RDH10: variants seen among roughly 807,000 people sequenced by gnomAD.
The protein encoded by RDH10 is retinol dehydrogenase 10 (all-trans).
RDH10 carries 12 observed loss-of-function variants against 30.2 expected under a neutral mutation model. That is an observed-to-expected ratio of 0.40 (90% confidence interval 0.25 to 0.64). The LOEUF (loss-of-function observed/expected upper bound fraction) is 0.64. Among genes scored for constraint, RDH10 ranks in the 30% least tolerant of loss-of-function variants. RDH10 has a pLI of 0.43. For synonymous variants in RDH10, 189 were observed against 172.2 expected, an observed-to-expected ratio of 1.10 and a Z score of -0.76; for missense variants, 268 against 445.2, an observed-to-expected ratio of 0.60 and a Z score of 3.58.
chr8:73,299,608 G>A (rs767382304), intron 2 of RDH10, among the ~76,000 whole-genome samples: 1 of 152,272 alleles, frequency 6.6e-6, no homozygotes, highest in East Asian at 1.9e-4. Context: ...GTTTTCTCCC[G>A]TAACCTTTGA....
rs1196284263 is a variant in RDH10 at position 73,323,080 on chromosome 8, A to G, written c.*44A>G. 2 of 1,505,412 alleles carry G rather than the reference A, an allele frequency of 1.3e-6. No individual in the cohort carries two copies. Among genetic ancestry groups the G allele is most frequent in the East Asian group, 2.3e-5 (1 of 44,158 alleles). 93.3% of individuals were successfully genotyped at this position (1,505,412 alleles called of 1,614,324 possible). A position where few individuals can be genotyped will look rare whatever the true frequency, so the allele number is the denominator to read the frequency against. ...TATTACTTCTATCAGAAGATGATCA[A>G]GATGTTTCAGTCCAGTGCACATCAG... On this transcript the variant is annotated 3_prime_UTR_variant, in exon 6 of 6. Transcript: ENST00000240285.
At chr8:73,312,914 C>T (rs16938610) in intron 2 of RDH10, 31,410 of 152,178 alleles carry the variant, frequency 0.21, 4,045 homozygotes, top group South Asian at 0.4. Context: ...TTCTTGATCA[C>T]AGGACAGTCG....
chr8:73,308,888 T>A (rs1436235806), intron 2 of RDH10, among the ~76,000 whole-genome samples: 1 of 152,206 alleles, frequency 6.6e-6, no homozygotes, highest in Non-Finnish European at 1.5e-5. Context: ...GTAGACAGAT[T>A]GCTCAGGCTC....
Position 73,321,047 on chromosome 8 carries a change from A to G in RDH10, c.740A>G (p.Asp247Gly). 1 of 1,614,086 alleles carries G rather than the reference A, an allele frequency of 6.2e-7. No individual in the cohort carries two copies. The highest frequency in any genetic ancestry group is 8.5e-7 in the Non-Finnish European group (1 of 1,179,942). ...KTTLVCPYLV[D>G]TGMFRGCRIR... ...ACCTTGGTTTGCCCTTATCTTGTAGACACTGGCATGTTCAGAGGCTGCCGA... is the reference window on the plus strand; with the variant it reads ...ACCTTGGTTTGCCCTTATCTTGTAGGCACTGGCATGTTCAGAGGCTGCCGA... The change falls in exon 4 of 6, where the codon GAC becomes GGC. Residue 247 changes from aspartate (D) to glycine (G), a missense_variant. Asp to Gly is a moderately conservative substitution (Grantham distance 94). This residue lies in a region of RDH10 where 136 missense variants were observed against 288.8 expected (regional missense o/e 0.47). Coordinates refer to ENST00000240285, the MANE Select transcript of RDH10 (RefSeq NM_172037.5).
At chr8:73,314,675 G>C (rs1186541496) in intron 2 of RDH10, among the ~76,000 whole-genome samples, 1 of 152,200 alleles carries the variant, frequency 6.6e-6, no homozygotes, top group Non-Finnish European at 1.5e-5. Flanking sequence ...GGGATCTCAG[G>C]CTGATTAGCG....
chr8:73,299,025 G>T (rs941797738), intron 2 of RDH10, among the ~76,000 whole-genome samples: 2 of 151,982 alleles, frequency 1.3e-5, no homozygotes, highest in African/African-American at 4.8e-5. Flanking sequence ...TGTTGATCAG[G>T]CTGGTCTCGA....
intron 2 of RDH10, among the ~76,000 whole-genome samples, chr8:73,310,101 C>G (rs1366056469): frequency 3.9e-5 from 6 of 152,196 alleles, no homozygotes; most frequent in East Asian, 3.9e-4. Context: ...GAAAAGCTTC[C>G]CAGGTGATTC....
rs1239134839 is a variant in RDH10, at chr8:73,323,726, A to G, written c.*690A>G. On this transcript the variant is annotated 3_prime_UTR_variant, in exon 6 of 6. Coordinates refer to ENST00000240285, the MANE Select transcript of RDH10 (RefSeq NM_172037.5). ...GAGTGCAGTAGCACAATCACGGCTC[A>G]CTGCAATCTCTGCCTCCCAGTTTCA... 1.4e-5 allele frequency: 2 copies of G among 147,446 alleles called. No homozygotes were observed. The highest frequency in any genetic ancestry group is 2.5e-5 in the African/African-American group (1 of 39,458). 9.1% of individuals were successfully genotyped at this position (147,446 alleles called of 1,614,324 possible).
chr8:73,316,120 G>C (rs929822888), intron 2 of RDH10, among the ~76,000 whole-genome samples: 2 of 152,104 alleles, frequency 1.3e-5, no homozygotes, highest in African/African-American at 2.4e-5. Flanking sequence ...GGGCTCAAGC[G>C]ATCTGTCTAC....
chr8:73,303,520 G>C (rs1563547863), intron 2 of RDH10, among the ~76,000 whole-genome samples: 1 of 152,096 alleles, frequency 6.6e-6, no homozygotes, highest in South Asian at 2.1e-4. Flanking sequence ...TGGAATTCAT[G>C]GCCTATTTTT....
chr8:73,319,284 C>A, intron 3 of RDH10, 90 bp downstream of exon 3: 1 of 870,886 alleles, frequency 1.1e-6, no homozygotes. Context: ...TGCTGCCCCT[C>A]CATTCATGAA....
At chr8:73,319,839 T>C (rs1160382134) in intron 3 of RDH10, among the ~76,000 whole-genome samples, 1 of 152,226 alleles carries the variant, frequency 6.6e-6, no homozygotes, top group Non-Finnish European at 1.5e-5. Flanking sequence ...GTTTGTAGAA[T>C]TGTAGAACTG....
chr8:73,306,221 C>G (rs1814461229), intron 2 of RDH10, among the ~76,000 whole-genome samples: 1 of 152,222 alleles, frequency 6.6e-6, no homozygotes, highest in South Asian at 2.1e-4. Context: ...ACCTGGCTGG[C>G]CAGTTCCAGT....
chr8:73,321,164 T>A, intron 4 of RDH10, 87 bp downstream of exon 4: 1 of 1,182,556 alleles, frequency 8.5e-7, no homozygotes, highest in Non-Finnish European at 1.2e-6. Context: ...CCTTGTATTT[T>A]AACTATCATT....
At position 73,322,819 on chromosome 8, in the gene RDH10, G is replaced by C. The variant is rs779129276; in HGVS notation, c.902+9G>C. On this transcript the variant is annotated intron_variant, in intron 5 of 5. Transcript: ENST00000240285. ...GTGACCTTCATGAAGAGGTAACTGG[G>C]AGGGGTTCCCTCACTGACTGGGTCT... 1.9e-6 allele frequency: 3 copies of C among 1,614,152 alleles called. No individual in the cohort carries two copies. The highest frequency in any genetic ancestry group is 3.3e-5 in the Admixed American group (2 of 60,032).
chr8:73,315,005 T>C (rs2130374219), intron 2 of RDH10, among the ~76,000 whole-genome samples: 1 of 152,336 alleles, frequency 6.6e-6, no homozygotes, highest in South Asian at 2.1e-4. Flanking sequence ...CCAGCCAGCA[T>C]GTGTCGTACT....
In RDH10 at chr8:73,297,423, C is replaced by T; in HGVS notation, c.519C>T (p.His173=). 6.2e-7 allele frequency: 1 copy of T among 1,601,058 alleles called. No individual in the cohort carries two copies. Among genetic ancestry groups the T allele is most frequent in the Non-Finnish European group, 8.6e-7 (1 of 1,168,044 alleles). ...ERTMMVNCHA[H]FWTTKAFLPT... is the part of the protein sequence containing the mutation. Reference sequence around the variant, plus strand: ...CCATGATGGTCAATTGCCATGCACACTTCTGGGTAAATATAAACATCCTTG... The same window carrying T: ...CCATGATGGTCAATTGCCATGCACATTTCTGGGTAAATATAAACATCCTTG... The change falls in exon 2 of 6, where the codon CAC becomes CAT. Residue 173 remains histidine, a synonymous_variant. Transcript: ENST00000240285.
chr8:73,302,450 C>A (rs745362378), intron 2 of RDH10, among the ~76,000 whole-genome samples: 13 of 152,130 alleles, frequency 8.5e-5, no homozygotes, highest in Non-Finnish European at 1.5e-4. Flanking sequence ...CTTTGGGAGG[C>A]CGAGGAGGGT....
In RDH10 at chr8:73,324,398, T is replaced by C. The variant is rs1343941666; in HGVS notation, c.*1362T>C. ...GTGAACTTCTACCTCTGTATCTAAA[T>C]GTATACCATCCACTTGTAAATGACT... On this transcript the variant is annotated 3_prime_UTR_variant, in exon 6 of 6. Transcript: ENST00000240285. 6.5e-6 allele frequency: 1 copy of C among 152,692 alleles called. No homozygotes were observed. Among genetic ancestry groups the C allele is most frequent in the East Asian group, 1.9e-4 (1 of 5,206 alleles). 9.5% of individuals were successfully genotyped at this position (152,692 alleles called of 1,614,324 possible). A position where few individuals can be genotyped will look rare whatever the true frequency, so the allele number is the denominator to read the frequency against.
Sources: gnomAD v4.1 joint callset for allele counts (sites outside exome capture counted in the v4.1 genomes callset) on GRCh38, gnomAD v4.1.1 for gene constraint, gnomAD v4.1.1 regional missense constraint, MANE v1.5 for transcripts, NCBI Gene and HGNC (gene_info 2026-07-23, HGNC 2026-07-21) for gene names.